PLEKHO2: variants seen among roughly 807,000 people sequenced by gnomAD.
The protein encoded by PLEKHO2 is pleckstrin homology domain containing O2.
In PLEKHO2, 20 loss-of-function variants were observed where a neutral mutation model predicts 32.7. The ratio of observed to expected loss-of-function variants is 0.61; its 90% CI spans 0.43 to 0.89. The LOEUF is 0.89. Ranked by LOEUF, PLEKHO2 falls within the 40% of genes least tolerant of loss-of-function variation. The probability of loss-of-function intolerance (pLI) is 0.00; values close to 1 mark genes in which losing one functional copy is unlikely to be tolerated. For missense variants in PLEKHO2, 568 were observed against 621.2 expected (o/e 0.91, Z 0.91); for synonymous variants, 247 against 246.3 (o/e 1.00, Z -0.03).
rs1285001283 is a variant in PLEKHO2 at position 64,867,167 on chromosome 15, C to G, written c.*1279C>G. 1 of 152,562 alleles carries G rather than the reference C, an allele frequency of 6.6e-6. No individual in the cohort carries two copies. Among genetic ancestry groups the G allele is most frequent in the African/African-American group, 2.4e-5 (1 of 41,402 alleles). 9.5% of individuals were successfully genotyped at this position (152,562 alleles called of 1,614,324 possible). On this transcript the variant is annotated 3_prime_UTR_variant, in exon 6 of 6. Transcript: ENST00000323544. ...GGGCCTCTGGGGTGAGAGCAGCTTC[C>G]GATAGGACCTGCCCAGATTTCTGCA...
intron 1 of PLEKHO2, among the ~76,000 whole-genome samples, chr15:64,844,642 C>T (rs921429400): frequency 2.6e-5 from 4 of 152,156 alleles, no homozygotes; most frequent in African/African-American, 4.8e-5. Context: ...GGAGTAATCT[C>T]TTGCCCTTTC....
At chr15:64,850,857 A>G (rs1006419418) in intron 2 of PLEKHO2, among the ~76,000 whole-genome samples, 2 of 152,240 alleles carry the variant, frequency 1.3e-5, no homozygotes, top group East Asian at 1.9e-4. Context: ...GGTTGAGGCT[A>G]TCGGAGGGCC....
chr15:64,858,853 A>G (rs557897118), intron 3 of PLEKHO2, among the ~76,000 whole-genome samples: 1 of 152,358 alleles, frequency 6.6e-6, no homozygotes, highest in Non-Finnish European at 1.5e-5. Context: ...TTGTACAGCT[A>G]TCACCACCAT....
intron 3 of PLEKHO2, among the ~76,000 whole-genome samples, chr15:64,855,665 C>T (rs878916232): frequency 1.3e-5 from 2 of 152,170 alleles, no homozygotes; most frequent in East Asian, 1.9e-4. Flanking sequence ...ATTTCTCTGG[C>T]GGGGAGTCTG....
At chr15:64,848,946 A>T (rs1160904012) in intron 2 of PLEKHO2, among the ~76,000 whole-genome samples, 1 of 152,110 alleles carries the variant, frequency 6.6e-6, no homozygotes, top group Non-Finnish European at 1.5e-5. Flanking sequence ...TAGGGTTTCT[A>T]GATGAGAGTT....
In PLEKHO2 at chr15:64,865,625, C is replaced by G. The variant is rs1161724431; in HGVS notation, c.1210C>G (p.Gln404Glu). 6.2e-7 allele frequency: 1 copy of G among 1,614,242 alleles called. No individual in the cohort carries two copies. Residue 404 changes from glutamine to glutamate, a missense_variant, in exon 6 of 6, where the codon CAG becomes GAG. Gln to Glu is a conservative substitution (Grantham distance 29). Transcript: ENST00000323544. ...TGGGGAAGGCCCGCGGCATCCCTTG[C>G]AGCCCAGGGAACGGCTATATCGGGC... is the stretch of plus-strand genomic sequence containing the variant. ...LLGEGPRHPLQPRERLYRAQL... is the reference protein window; with the variant it reads ...LLGEGPRHPLEPRERLYRAQL...
In PLEKHO2 at chr15:64,865,948, G is replaced by T; in HGVS notation, c.*60G>T. The stretch of plus-strand genomic sequence containing the variant: ...CATCCATCAAGTCCATCAAGGCCCA[G>T]CCCTGCTGAGAAATGTGCTTCTGCT... On this transcript the variant is annotated 3_prime_UTR_variant, in exon 6 of 6. Coordinates refer to ENST00000323544, the MANE Select transcript of PLEKHO2 (RefSeq NM_025201.5). The T allele has an allele frequency of 6.5e-7, 1 of 1,534,166 alleles. No homozygotes were observed.
rs2084652689 is a variant in PLEKHO2 at position 64,862,892 on chromosome 15, G to A, written c.483+1317G>A. On this transcript the variant is annotated intron_variant, in intron 5 of 5. Coordinates refer to ENST00000323544, the MANE Select transcript of PLEKHO2 (RefSeq NM_025201.5). ...GCTGCACCCATTAACTCGTCATTTA[G>A]CATTAGTTATATCTCCTAATGCTAT... is the stretch of plus-strand genomic sequence containing the variant. Among the ~76,000 whole-genome samples, 4 of 150,724 alleles carry A rather than the reference G, an allele frequency of 2.7e-5. No homozygotes were observed. In the South Asian group the frequency reaches 8.4e-4, roughly 32 times the overall value.
At chr15:64,864,701 G>A (rs1032548945) in intron 5 of PLEKHO2, among the ~76,000 whole-genome samples, 198 bp from the exon 6 acceptor site, 1 of 152,190 alleles carries the variant, frequency 6.6e-6, no homozygotes, top group African/African-American at 2.4e-5. Flanking sequence ...TTGGTGGTGA[G>A]GGAAAGGAGA....
Position 64,865,567 on chromosome 15 carries a change from C to G in PLEKHO2, c.1152C>G (p.Phe384Leu). The G allele has an allele frequency of 6.2e-7, 1 of 1,614,204 alleles. No homozygotes were observed. Among genetic ancestry groups the G allele is most frequent in the Non-Finnish European group, 8.5e-7 (1 of 1,180,018 alleles). ...CCCCCTGGGACCTGCCACCTCAGTT[C>G]CATCCCCGCTGCTCCTCCCTTGGGG... The part of the protein sequence containing the change: ...ALPPWDLPPQ[F>L]HPRCSSLGDL... Residue 384 changes from phenylalanine (F) to leucine (L), a missense_variant, in exon 6 of 6, where the codon TTC becomes TTG. Physicochemically the swap from Phe to Leu is conservative, Grantham distance 22. Transcript: ENST00000323544.
Position 64,861,519 on chromosome 15 carries a change from G to T in PLEKHO2, c.427G>T (p.Asp143Tyr). The change falls in exon 5 of 6, where the codon GAC (aspartate) becomes TAC (tyrosine). Residue 143 changes from aspartate to tyrosine, a missense_variant. Transcript: ENST00000323544. ...KSCALEHVTR[D>Y]RVRGGQRRRP... ...CTGCGCCCTGGAGCATGTGACACGGGACCGGGTGCGAGGGGGCCAGCGACG... is the reference window on the plus strand; with the variant it reads ...CTGCGCCCTGGAGCATGTGACACGGTACCGGGTGCGAGGGGGCCAGCGACG... 1 of 1,609,524 alleles carries T rather than the reference G, an allele frequency of 6.2e-7. No homozygotes were observed. The highest frequency in any genetic ancestry group is 1.1e-5 in the South Asian group (1 of 90,034).
chr15:64,854,913 C>T lies in PLEKHO2; in HGVS notation c.163-8C>T. 6.2e-7 allele frequency: 1 copy of T among 1,610,606 alleles called. No homozygotes were observed. ...ACCAGCTCATGTCCCTTCTGTCTCC[C>T]TCCCCAGGATGATCAGAAGTGTGTG... On this transcript the variant is annotated splice_polypyrimidine_tract_variant and splice_region_variant and intron_variant, in intron 2 of 5. Transcript: ENST00000323544.
chr15:64,848,202 G>T (rs2084537239), intron 1 of PLEKHO2, among the ~76,000 whole-genome samples: 1 of 152,214 alleles, frequency 6.6e-6, no homozygotes, highest in East Asian at 1.9e-4. Flanking sequence ...TGGGAAAAAC[G>T]TGGGGTCAGA....
chr15:64,848,338 T>C (rs1331161604), intron 1 of PLEKHO2, among the ~76,000 whole-genome samples: 4 of 152,004 alleles, frequency 2.6e-5, no homozygotes, highest in Admixed American at 2.6e-4. Context: ...TGGAGGGGAG[T>C]TGTAAGAGTG....
intron 5 of PLEKHO2, among the ~76,000 whole-genome samples, chr15:64,862,872 A>C (rs1408273443): frequency 6.6e-6 from 1 of 150,990 alleles, no homozygotes; most frequent in East Asian, 1.9e-4. Context: ...GGTGTGCTGC[A>C]CCCATTAACT....
intron 3 of PLEKHO2, among the ~76,000 whole-genome samples, chr15:64,855,776 G>C (rs754208930): frequency 3.9e-5 from 6 of 152,180 alleles, no homozygotes; most frequent in Non-Finnish European, 8.8e-5. Context: ...CCCATCTGCG[G>C]CTGGGCCATT....
chr15:64,858,166 C>G (rs1356959126), intron 3 of PLEKHO2, among the ~76,000 whole-genome samples: 3 of 152,210 alleles, frequency 2.0e-5, no homozygotes, highest in Non-Finnish European at 4.4e-5. Context: ...CCAAGGTGCC[C>G]TGGGGTTTCT....
chr15:64,856,410 G>A (rs770672249), intron 3 of PLEKHO2, among the ~76,000 whole-genome samples: 31 of 152,036 alleles, frequency 2.0e-4, no homozygotes, highest in Non-Finnish European at 4.3e-4. Context: ...ATGCTATGTG[G>A]ATGTGGGGTG....
intron 5 of PLEKHO2, among the ~76,000 whole-genome samples, chr15:64,862,304 G>A (rs894045348): frequency 1.3e-5 from 2 of 151,990 alleles, no homozygotes; most frequent in African/African-American, 4.8e-5. Flanking sequence ...TGGGGGAGGC[G>A]GCTTTCCAGG....
Sources: gnomAD v4.1 joint callset for allele counts (sites outside exome capture counted in the v4.1 genomes callset) on GRCh38, gnomAD v4.1.1 for gene constraint, MANE v1.5 for transcripts, NCBI Gene and HGNC (gene_info 2026-07-23, HGNC 2026-07-21) for gene names.